Variants in MAMDC2 observed in about 807,000 individuals in gnomAD.
MAMDC2 encodes MAM domain-containing protein 2.
Under a neutral mutation model 89.8 loss-of-function variants are expected in MAMDC2, and 57 were observed. The observed-to-expected ratio is 0.63, with a 90% CI of 0.51 to 0.79. The LOEUF (loss-of-function observed/expected upper bound fraction) is 0.79, where lower values mean the gene tolerates loss of function less well. Ranked by LOEUF, MAMDC2 falls within the 30% of genes least tolerant of loss-of-function variation. MAMDC2 has a pLI of 0.00. For missense variants in MAMDC2, 800 were observed against 820.6 expected (o/e 0.97, Z 0.31); for synonymous variants, 313 against 293.4 (o/e 1.07, Z -0.68).
At chr9:70,163,053 A>G (rs908965460) in intron 9 of MAMDC2, among the ~76,000 whole-genome samples, 6 of 152,100 alleles carry the variant, frequency 3.9e-5, no homozygotes, top group Non-Finnish European at 8.8e-5. Context: ...GAAAGATGAA[A>G]ATAAAGAGGA....
chr9:70,054,882 T>C (rs1162912985), intron 2 of MAMDC2, among the ~76,000 whole-genome samples: 1 of 152,020 alleles, frequency 6.6e-6, no homozygotes, highest in Admixed American at 6.6e-5. Context: ...GCTGAATCTG[T>C]GGTAATTATG....
chr9:70,208,655 A>G (rs1275680505), intron 11 of MAMDC2, among the ~76,000 whole-genome samples: 1 of 152,210 alleles, frequency 6.6e-6, no homozygotes, highest in Non-Finnish European at 1.5e-5. Flanking sequence ...CCCTGGCCAG[A>G]ACTTCCAACA....
At chr9:70,211,501 A>G (rs2033353263) in intron 11 of MAMDC2, among the ~76,000 whole-genome samples, 2 of 152,112 alleles carry the variant, frequency 1.3e-5, no homozygotes, top group African/African-American at 4.8e-5. Context: ...TCTTCTCTAT[A>G]CTGTTTATTC....
At chr9:70,080,401 C>T (rs138773537) in intron 2 of MAMDC2, among the ~76,000 whole-genome samples, 51 of 152,328 alleles carry the variant, frequency 3.3e-4, no homozygotes, top group African/African-American at 1.1e-3. Context: ...CACATTCATA[C>T]ATGTGACATT....
intron 11 of MAMDC2, among the ~76,000 whole-genome samples, chr9:70,206,927 G>A (rs2033237822): frequency 6.6e-6 from 1 of 152,052 alleles, no homozygotes; most frequent in Non-Finnish European, 1.5e-5. Context: ...ATGGTTTCCA[G>A]CTTCATCCAT....
chr9:70,102,225 C>A (rs1373842400), intron 2 of MAMDC2, among the ~76,000 whole-genome samples: 2 of 152,036 alleles, frequency 1.3e-5, no homozygotes, highest in African/African-American at 4.8e-5. Flanking sequence ...AATAAAGAAG[C>A]CAGTGATTCA....
At chr9:70,066,745 G>A (rs1257997863) in intron 2 of MAMDC2, among the ~76,000 whole-genome samples, 1 of 152,158 alleles carries the variant, frequency 6.6e-6, no homozygotes, top group Non-Finnish European at 1.5e-5. Flanking sequence ...TTGCTAAATT[G>A]CATGCTGGTG....
intron 11 of MAMDC2, among the ~76,000 whole-genome samples, chr9:70,208,377 T>G (rs144811375): frequency 0.069 from 10,539 of 152,260 alleles, 579 homozygotes; most frequent in East Asian, 0.22. Context: ...CCTAGGTATT[T>G]TATTCTCTTT....
At chr9:70,197,040 G>C (rs1042221850) in intron 11 of MAMDC2, among the ~76,000 whole-genome samples, 2 of 142,274 alleles carry the variant, frequency 1.4e-5, no homozygotes, top group Non-Finnish European at 3.1e-5. Context: ...AAATCTGTCT[G>C]CTATAAAAAA....
At chr9:70,084,056 T>C (rs1198086822) in intron 2 of MAMDC2, among the ~76,000 whole-genome samples, 2 of 152,142 alleles carry the variant, frequency 1.3e-5, no homozygotes, top group Non-Finnish European at 2.9e-5. Flanking sequence ...CAACTAAGTA[T>C]CACCTATGTG....
chr9:70,167,190 A>T (rs1463764890), intron 9 of MAMDC2, among the ~76,000 whole-genome samples: 1 of 152,240 alleles, frequency 6.6e-6, no homozygotes, highest in African/African-American at 2.4e-5. Flanking sequence ...AGAGTTATAC[A>T]TTGTGACAAG....
chr9:70,078,917 G>A (rs1827595963), intron 2 of MAMDC2, among the ~76,000 whole-genome samples: 1 of 152,076 alleles, frequency 6.6e-6, no homozygotes, highest in Non-Finnish European at 1.5e-5. Context: ...CTTCCCTTAG[G>A]AATTCTACCT....
chr9:70,135,832 T>C (rs1249725442), intron 7 of MAMDC2, among the ~76,000 whole-genome samples: 1 of 152,114 alleles, frequency 6.6e-6, no homozygotes, highest in East Asian at 1.9e-4. Context: ...TGTAGTATCA[T>C]ACATTTTCAT....
At chr9:70,186,655 T>C (rs1330631859) in intron 11 of MAMDC2, among the ~76,000 whole-genome samples, 2 of 152,252 alleles carry the variant, frequency 1.3e-5, no homozygotes, top group African/African-American at 4.8e-5. Flanking sequence ...TGCATTGTTA[T>C]AAAGGAATAT....
At chr9:70,218,244 C>T in intron 11 of MAMDC2, 93 bp from the exon 12 acceptor site, 1 of 1,361,974 alleles carries the variant, frequency 7.3e-7, no homozygotes, top group Non-Finnish European at 1.0e-6. Context: ...TTAGTCAGAT[C>T]ATCTTGACTT....
intron 5 of MAMDC2, among the ~76,000 whole-genome samples, chr9:70,121,055 T>C (rs1412555646): frequency 6.6e-6 from 1 of 152,134 alleles, no homozygotes; most frequent in African/African-American, 2.4e-5. Context: ...GGAGTGCAAA[T>C]GTGGCCAGCA....
intron 2 of MAMDC2, among the ~76,000 whole-genome samples, chr9:70,046,040 G>C (rs527260793): frequency 3.3e-5 from 5 of 152,210 alleles, no homozygotes; most frequent in Non-Finnish European, 4.4e-5. Context: ...TATACTGGCT[G>C]TATGGAAGCA....
intron 5 of MAMDC2, among the ~76,000 whole-genome samples, chr9:70,125,561 T>C (rs762985104): frequency 4.4e-4 from 67 of 152,322 alleles, no homozygotes; most frequent in East Asian, 3.9e-4. Flanking sequence ...TACCACACAT[T>C]CACTCCTCCA....
intron 2 of MAMDC2, among the ~76,000 whole-genome samples, chr9:70,084,903 T>G (rs1827733138): frequency 6.6e-6 from 1 of 152,186 alleles, no homozygotes; most frequent in African/African-American, 2.4e-5. Flanking sequence ...AACCCAGGGA[T>G]TTTTTAAAAA....
Sources: gnomAD v4.1 joint callset for allele counts (sites outside exome capture counted in the v4.1 genomes callset) on GRCh38, gnomAD v4.1.1 for gene constraint, MANE v1.5 for transcripts, NCBI Gene and HGNC (gene_info 2026-07-23, HGNC 2026-07-21) for gene names.